RASGRF2: variants seen among roughly 807,000 people sequenced by gnomAD.
RASGRF2 encodes ras-specific guanine nucleotide-releasing factor 2.
RASGRF2 carries 76 observed loss-of-function variants against 151.0 expected under a neutral mutation model. That is an observed-to-expected ratio of 0.50 (90% confidence interval 0.42 to 0.61). The LOEUF is 0.61. Among genes scored for constraint, RASGRF2 ranks in the 20% least tolerant of loss-of-function variants. The pLI is 0.00. For missense variants in RASGRF2, 1,148 were observed against 1,564.6 expected (o/e 0.73, Z 4.49); for synonymous variants, 504 against 566.5 (o/e 0.89, Z 1.57).
rs58481061 is a variant in RASGRF2 at position 80,995,693 on chromosome 5, C to CCT, written c.288+34667_288+34668insCT. Among the ~76,000 whole-genome samples, 645 of 97,332 alleles carry CCT rather than the reference C, an allele frequency of 6.6e-3. 11 individuals are homozygous for CCT. Among genetic ancestry groups the CCT allele is most frequent in the African/African-American group, 0.021 (552 of 26,122 alleles). The allele number at this position is 97,332 out of a possible 152,430, so 63.9% of individuals were successfully genotyped here. ...GTTTCTTTCCTTTCCTTCCCCCCCCCTTTTTTTTTTTTTTTTTGAGATGGA... is the reference window on the plus strand; with the variant it reads ...GTTTCTTTCCTTTCCTTCCCCCCCCCCTTTTTTTTTTTTTTTTTTGAGATGGA... On this transcript the variant is annotated intron_variant, in intron 1 of 26. Coordinates refer to ENST00000265080, the MANE Select transcript of RASGRF2 (RefSeq NM_006909.3).
At chr5:81,060,795 C>A (rs1380213333) in intron 2 of RASGRF2, among the ~76,000 whole-genome samples, 1 of 152,146 alleles carries the variant, frequency 6.6e-6, no homozygotes, top group Non-Finnish European at 1.5e-5. Context: ...CTTAATATTA[C>A]AGAAATATTG....
At chr5:80,989,217 C>A (rs1057171953) in intron 1 of RASGRF2, among the ~76,000 whole-genome samples, 1 of 152,048 alleles carries the variant, frequency 6.6e-6, no homozygotes, top group Non-Finnish European at 1.5e-5. Context: ...GTGATCCCCC[C>A]GCGTCTGTCT....
intron 1 of RASGRF2, among the ~76,000 whole-genome samples, chr5:80,986,459 T>C (rs1748475433): frequency 6.6e-6 from 1 of 152,230 alleles, no homozygotes; most frequent in African/African-American, 2.4e-5. Context: ...CTTTTGCATT[T>C]CTAACTACCA....
chr5:81,116,006 T>G (rs1415315296), intron 15 of RASGRF2, among the ~76,000 whole-genome samples: 1 of 147,008 alleles, frequency 6.8e-6, no homozygotes, highest in Admixed American at 6.9e-5. Context: ...GGAGAATTTC[T>G]GGGCAAAGAG....
At position 80,980,116 on chromosome 5, in the gene RASGRF2, C is replaced by G. The variant is rs374903737; in HGVS notation, c.288+19090C>G. Among the ~76,000 whole-genome samples the G allele has an allele frequency of 6.0e-4, 92 of 152,280 alleles. 2 individuals carry two copies. The South Asian group carries it at 0.018, about 31-fold the overall frequency. ...GCCCATCGTTAAATCTGATTTGTTA[C>G]CTTTGTGATTTGAAAAAACCAAAAC... On this transcript the variant is annotated intron_variant, in intron 1 of 26. Coordinates refer to ENST00000265080, the MANE Select transcript of RASGRF2 (RefSeq NM_006909.3).
chr5:81,026,300 G>A lies in RASGRF2; in HGVS notation c.289-16577G>A, dbSNP rs140237040. Among the ~76,000 whole-genome samples the A allele has an allele frequency of 3.6e-4, 54 of 150,062 alleles. No individual in the cohort carries two copies. In the East Asian group the frequency reaches 8.3e-3, roughly 23 times the overall value. On this transcript the variant is annotated intron_variant, in intron 1 of 26. Transcript: ENST00000265080. ...AGGCCTCTGTTCTTTCTCCTGGCCA[G>A]TGAAGGAGACTTTCTTTCTATCTTC...
chr5:81,058,119 C>T (rs997673655), intron 2 of RASGRF2, among the ~76,000 whole-genome samples: 1 of 151,730 alleles, frequency 6.6e-6, no homozygotes, highest in Non-Finnish European at 1.5e-5. Context: ...CCATATATAT[C>T]CTAATGTTGA....
chr5:81,162,962 G>A (rs1580371011), intron 17 of RASGRF2, among the ~76,000 whole-genome samples: 1 of 152,064 alleles, frequency 6.6e-6, no homozygotes, highest in South Asian at 2.1e-4. Context: ...TGTGCAATTG[G>A]CCCATCAAGG....
At chr5:81,114,056 G>T in intron 15 of RASGRF2, 136 bp downstream of exon 15, 2 of 1,194,038 alleles carry the variant, frequency 1.7e-6, no homozygotes, top group African/African-American at 1.5e-5. Context: ...GAGCTCAATG[G>T]TTAGTTAGAA....
At chr5:81,069,665 T>C (rs1197065159) in intron 3 of RASGRF2, among the ~76,000 whole-genome samples, 1 of 152,250 alleles carries the variant, frequency 6.6e-6, no homozygotes, top group African/African-American at 2.4e-5. Flanking sequence ...CTCCCTTTCT[T>C]TTCCCACCTC....
At chr5:81,025,055 C>G (rs1229355354) in intron 1 of RASGRF2, among the ~76,000 whole-genome samples, 4 of 152,166 alleles carry the variant, frequency 2.6e-5, no homozygotes, top group Non-Finnish European at 5.9e-5. Context: ...GCTCCCCTTT[C>G]AAGAAGCAGG....
intron 17 of RASGRF2, among the ~76,000 whole-genome samples, chr5:81,128,919 A>G (rs1438128117): frequency 6.6e-6 from 1 of 152,128 alleles, no homozygotes; most frequent in African/African-American, 2.4e-5. Flanking sequence ...TGGGCAGATC[A>G]CCCAAGGTCA....
rs10474651 is a variant in RASGRF2 at position 81,167,672 on chromosome 5, C to G, written c.2687-12503C>G. ...GGCAGGGATGCCGTCACTCTGACCCCTCGGCCTCTCCTCTCTGTGGCTGCC... is the reference window on the plus strand; with the variant it reads ...GGCAGGGATGCCGTCACTCTGACCCGTCGGCCTCTCCTCTCTGTGGCTGCC... On this transcript the variant is annotated intron_variant, in intron 17 of 26. Transcript: ENST00000265080. Among the ~76,000 whole-genome samples, 170 of 152,292 alleles carry G rather than the reference C, an allele frequency of 1.1e-3. 1 individual carries two copies. The highest frequency in any genetic ancestry group is 4.1e-3 in the African/African-American group (170 of 41,568).
At chr5:81,059,383 C>CA (rs35051372) in intron 2 of RASGRF2, among the ~76,000 whole-genome samples, 33,492 of 89,222 alleles carry the variant, frequency 0.38, 5,334 homozygotes, top group Middle Eastern at 0.47. Flanking sequence ...GACTCCGCCT[C>CA]AAAAAAAAAA....
intron 1 of RASGRF2, among the ~76,000 whole-genome samples, chr5:80,970,146 A>G (rs1307705005): frequency 6.6e-6 from 1 of 152,322 alleles, no homozygotes; most frequent in East Asian, 1.9e-4. Flanking sequence ...AACAGTGAGA[A>G]TGTCATCCAT....
rs1290160619 is a variant in RASGRF2, at chr5:81,207,448, A to G, written c.3071+99A>G. The G allele has an allele frequency of 4.1e-6, 4 of 982,616 alleles. No homozygotes were observed. The Admixed American group carries it at 6.5e-5, about 16-fold the overall frequency. 60.9% of individuals were successfully genotyped at this position (982,616 alleles called of 1,614,324 possible). A position where few individuals can be genotyped will look rare whatever the true frequency, so the allele number is the denominator to read the frequency against. On this transcript the variant is annotated intron_variant, in intron 21 of 26. Transcript: ENST00000265080. ...AGGTTGTGTGTATGTCTGTCCCCTC[A>G]GTTCCTGTGTGAGTATCTACCAGTT...
intron 26 of RASGRF2, among the ~76,000 whole-genome samples, chr5:81,222,224 T>C (rs1755870828): frequency 6.6e-6 from 1 of 152,190 alleles, no homozygotes; most frequent in Non-Finnish European, 1.5e-5. Flanking sequence ...TATGTAACCA[T>C]CAGTATTTGT....
intron 15 of RASGRF2, among the ~76,000 whole-genome samples, chr5:81,117,991 A>C (rs1228917750): frequency 6.6e-6 from 1 of 152,232 alleles, no homozygotes; most frequent in East Asian, 1.9e-4. Flanking sequence ...TTGGGTGCCC[A>C]AAGCCTTAGG....
At chr5:81,067,746 A>G (rs1470296114) in intron 2 of RASGRF2, among the ~76,000 whole-genome samples, 1 of 152,192 alleles carries the variant, frequency 6.6e-6, no homozygotes, top group East Asian at 1.9e-4. Flanking sequence ...TCTTTTTAAA[A>G]CTATTACAAT....
Sources: gnomAD v4.1 joint callset for allele counts (sites outside exome capture counted in the v4.1 genomes callset) on GRCh38, gnomAD v4.1.1 for gene constraint, MANE v1.5 for transcripts, NCBI Gene and HGNC (gene_info 2026-07-23, HGNC 2026-07-21) for gene names.